THOC7: variants seen among roughly 807,000 people sequenced by gnomAD.
THOC7 encodes the protein THO complex subunit 7, also known as NIF3L1-binding protein 1.
A neutral mutation model predicts 33.1 loss-of-function variants in THOC7; 22 were observed. The observed-to-expected ratio is 0.66, with a 90% CI of 0.47 to 0.95. The LOEUF is 0.95. Among genes scored for constraint, THOC7 ranks in the 40% least tolerant of loss-of-function variants. The pLI is 0.00. For missense variants in THOC7, 184 were observed against 245.3 expected (o/e 0.75, Z 1.67); for synonymous variants, 77 against 76.8 (o/e 1.00, Z -0.01).
chr3:63,848,626 A>G (rs1701954720), intron 1 of THOC7: 1 of 152,112 alleles, frequency 6.6e-6, no homozygotes, highest in African/African-American at 2.4e-5. Context: ...ATAAACTCCT[A>G]AATTGATTAA....
At chr3:63,857,437 G>C (rs1702135927) in intron 1 of THOC7, among the ~76,000 whole-genome samples, 1 of 152,178 alleles carries the variant, frequency 6.6e-6, no homozygotes, top group South Asian at 2.1e-4. Context: ...AACAAGAAGA[G>C]AGACTAAGGC....
At chr3:63,859,579 G>C (rs1006543773) in intron 1 of THOC7, among the ~76,000 whole-genome samples, 1 of 152,176 alleles carries the variant, frequency 6.6e-6, no homozygotes, top group African/African-American at 2.4e-5. Flanking sequence ...ATTACTCTCT[G>C]TCCTCATTCC....
At chr3:63,834,797 C>T (rs1701595275) in intron 7 of THOC7, among the ~76,000 whole-genome samples, 1 of 152,132 alleles carries the variant, frequency 6.6e-6, no homozygotes, top group Non-Finnish European at 1.5e-5. Flanking sequence ...ACCCACTACT[C>T]AGTGGGTATG....
At chr3:63,846,548 C>T (rs1339978320) in intron 1 of THOC7, among the ~76,000 whole-genome samples, 3 of 152,142 alleles carry the variant, frequency 2.0e-5, no homozygotes, top group Non-Finnish European at 4.4e-5. Context: ...GCTGGGATTA[C>T]AGGCACCCAC....
intron 1 of THOC7, among the ~76,000 whole-genome samples, chr3:63,848,798 T>A (rs1048330027): frequency 1.3e-5 from 2 of 152,236 alleles, no homozygotes; most frequent in South Asian, 2.1e-4. Flanking sequence ...CTGTTTTTTT[T>A]AATATTTTGT....
upstream of THOC7, among the ~76,000 whole-genome samples, chr3:63,864,272 A>G (rs1702333027): frequency 6.6e-6 from 1 of 150,766 alleles, no homozygotes; most frequent in African/African-American, 2.4e-5. Context: ...CCGCCGCCCC[A>G]TCCAGGGTGA....
At chr3:63,852,249 C>T (rs890163006) in intron 1 of THOC7, among the ~76,000 whole-genome samples, 10 of 152,014 alleles carry the variant, frequency 6.6e-5, no homozygotes, top group South Asian at 4.1e-4. Context: ...AGACAGAGAC[C>T]CGTCAAAGGG....
chr3:63,844,206 G>C (rs908588438), intron 1 of THOC7, among the ~76,000 whole-genome samples: 2 of 152,168 alleles, frequency 1.3e-5, no homozygotes, highest in Non-Finnish European at 2.9e-5. Context: ...GGTGGCTAGG[G>C]AGAAGGAGGT....
chr3:63,841,994 T>A (rs938088845), intron 1 of THOC7, among the ~76,000 whole-genome samples: 1 of 152,164 alleles, frequency 6.6e-6, no homozygotes, highest in African/African-American at 2.4e-5. Context: ...CAAATGTAAA[T>A]ACATTAAAGT....
chr3:63,839,805 G>A (rs2107126583), intron 1 of THOC7, 32 bp from the exon 2 acceptor site: 1 of 1,569,750 alleles, frequency 6.4e-7, no homozygotes, highest in Non-Finnish European at 8.8e-7. Context: ...TTACCATCTG[G>A]CTCTTGGTAA....
chr3:63,863,667 C>T (rs1271239372), intron 1 of THOC7, 105 bp downstream of exon 1: 37 of 1,228,596 alleles, frequency 3.0e-5, no homozygotes, highest in Admixed American at 4.3e-5. Flanking sequence ...GCGAAGAGGC[C>T]GGGGAGGCCG....
chr3:63,842,761 C>T (rs1701795374), intron 1 of THOC7, among the ~76,000 whole-genome samples: 1 of 152,066 alleles, frequency 6.6e-6, no homozygotes, highest in Non-Finnish European at 1.5e-5. Context: ...GGTATAAGTA[C>T]ACACTTGTGT....
At chr3:63,845,038 C>T (rs777853250) in intron 1 of THOC7, 4 of 699,134 alleles carry the variant, frequency 5.7e-6, no homozygotes, top group Non-Finnish European at 1.0e-5. Flanking sequence ...CACAAAAGGA[C>T]CTGGAGACAG....
At chr3:63,856,437 C>T (rs759417611) in intron 1 of THOC7, among the ~76,000 whole-genome samples, 5 of 152,090 alleles carry the variant, frequency 3.3e-5, no homozygotes, top group Non-Finnish European at 7.4e-5. Context: ...TGCTTGAAGA[C>T]AATGGATATC....
chr3:63,863,509 A>G, intron 1 of THOC7: 6 of 1,186,724 alleles, frequency 5.1e-6, no homozygotes, highest in Non-Finnish European at 6.3e-6. Flanking sequence ...CACACCCTAT[A>G]GCCCCGCGCT....
chr3:63,862,007 T>C (rs1227977126), intron 1 of THOC7, among the ~76,000 whole-genome samples: 1 of 152,224 alleles, frequency 6.6e-6, no homozygotes, highest in African/African-American at 2.4e-5. Flanking sequence ...TCCAGGCTGG[T>C]CTTGAACTTC....
chr3:63,849,843 A>C (rs1431357865), intron 1 of THOC7, among the ~76,000 whole-genome samples: 1 of 152,170 alleles, frequency 6.6e-6, no homozygotes, highest in East Asian at 1.9e-4. Context: ...ATATCTGGCT[A>C]AGACTCTCAA....
intron 1 of THOC7, 107 bp downstream of exon 1, chr3:63,863,665 G>A: frequency 8.1e-7 from 1 of 1,228,186 alleles, no homozygotes. Flanking sequence ...TGGCGAAGAG[G>A]CCGGGGAGGC....
chr3:63,834,281 C>T (rs1372282301), intron 7 of THOC7, 82 bp from the exon 8 acceptor site: 2 of 1,329,464 alleles, frequency 1.5e-6, no homozygotes, highest in South Asian at 1.2e-5. Context: ...ACATGTTTAT[C>T]CTTTATTAGC....
Sources: gnomAD v4.1 joint callset for allele counts (sites outside exome capture counted in the v4.1 genomes callset) on GRCh38, gnomAD v4.1.1 for gene constraint, MANE v1.5 for transcripts, NCBI Gene and HGNC (gene_info 2026-07-23, HGNC 2026-07-21) for gene names.